The following FRMPD4 variants were observed in gnomAD, a reference collection of about 807,000 sequenced individuals.
FRMPD4 encodes the protein FERM and PDZ domain-containing protein 4.
A neutral mutation model predicts 94.1 loss-of-function variants in FRMPD4; 22 were observed. The observed-to-expected ratio is 0.23, with a 90% CI of 0.17 to 0.33. FRMPD4 has a LOEUF of 0.33. Ranked by LOEUF, FRMPD4 falls within the 10% of genes least tolerant of loss-of-function variation. The probability of loss-of-function intolerance (pLI) is 1.00; values close to 1 mark genes in which losing one functional copy is unlikely to be tolerated. For missense variants in FRMPD4, 1,111 were observed against 1,339.9 expected (o/e 0.83, Z 2.67); for synonymous variants, 631 against 548.6 (o/e 1.15, Z -2.10).
At chrX:12,055,029 C>T (rs1308219226) in intron 3 of FRMPD4, 1 of 111,927 alleles carries the variant, frequency 8.9e-6, no homozygotes, top group Non-Finnish European at 1.9e-5. Context: ...GGTGAGGAAT[C>T]TGTTAATTAG....
rs1447658842 is a variant in FRMPD4, at chrX:12,517,456, T to C, written c.158+18660T>C. Reference sequence around the variant, plus strand: ...TTTTCTTCTAACTGTCAGGCCCCTCTTCCGTAGGGTTGCCATGGTTTGCTG... The same window carrying C: ...TTTTCTTCTAACTGTCAGGCCCCTCCTCCGTAGGGTTGCCATGGTTTGCTG... On this transcript the variant is annotated intron_variant, in intron 2 of 16. Coordinates refer to ENST00000675598, the MANE Select transcript of FRMPD4 (RefSeq NM_001368397.1). Among the ~76,000 whole-genome samples, 6 of 112,606 alleles carry C rather than the reference T, an allele frequency of 5.3e-5. No individual in the cohort carries two copies. The Admixed American group carries it at 5.6e-4, about 10-fold the overall frequency.
At chrX:12,611,161 C>A (rs148350746) in intron 3 of FRMPD4, among the ~76,000 whole-genome samples, 3,115 of 112,084 alleles carry the variant, frequency 0.028, 118 homozygotes, top group African/African-American at 0.095. Context: ...GCTGCCTTTA[C>A]CTTTCCAGAA....
intron 3 of FRMPD4, among the ~76,000 whole-genome samples, chrX:12,012,211 T>C (rs2054584639): frequency 8.9e-6 from 1 of 111,878 alleles, no homozygotes; most frequent in Non-Finnish European, 1.9e-5. Context: ...GAATGCTTTT[T>C]ATTTCATTTT....
At chrX:12,537,726 C>A (rs987570845) in intron 2 of FRMPD4, among the ~76,000 whole-genome samples, 10 of 109,876 alleles carry the variant, frequency 9.1e-5, no homozygotes, top group Non-Finnish European at 1.5e-4. Context: ...CCACCCTTCA[C>A]CTCAGCCTCC....
Position 12,251,510 on chromosome X carries a change from G to A in FRMPD4, c.41+112498G>A, listed in dbSNP as rs771215857. 1.8e-3 allele frequency among the ~76,000 whole-genome samples: 197 copies of A among 111,630 alleles called. 1 individual carries two copies. Among genetic ancestry groups the A allele is most frequent in the South Asian group, 0.012 (31 of 2,601 alleles). The stretch of plus-strand genomic sequence containing the variant: ...TGCCTCGGGTCAAAGCAACTTGGAG[G>A]TGTAACTCACACTTAAGTCTCCTGT... On this transcript the variant is annotated intron_variant, in intron 1 of 16. Coordinates refer to ENST00000675598, the MANE Select transcript of FRMPD4 (RefSeq NM_001368397.1).
chrX:12,548,013 T>C (rs894123949), intron 2 of FRMPD4, among the ~76,000 whole-genome samples: 1 of 112,324 alleles, frequency 8.9e-6, no homozygotes, highest in Admixed American at 9.5e-5. Context: ...AGTATGGACT[T>C]AATATATTTT....
intron 2 of FRMPD4, among the ~76,000 whole-genome samples, chrX:12,547,539 C>T (rs1484767644): frequency 8.9e-6 from 1 of 112,497 alleles, no homozygotes. Flanking sequence ...AACACAGCTA[C>T]TCTTATTCCC....
At chrX:12,135,588 A>C (rs750375958), upstream of FRMPD4, among the ~76,000 whole-genome samples, 1 of 107,750 alleles carries the variant, frequency 9.3e-6, no homozygotes, top group Non-Finnish European at 1.9e-5. Flanking sequence ...GGTAGCTATT[A>C]TGCTGTGGAG....
intron 3 of FRMPD4, among the ~76,000 whole-genome samples, chrX:11,932,164 A>T (rs1205164326): frequency 8.9e-6 from 1 of 112,271 alleles, no homozygotes; most frequent in Non-Finnish European, 1.9e-5. Context: ...TACTTATTAC[A>T]AAGAAATATT....
chrX:12,196,412 A>T (rs995884587), intron 1 of FRMPD4, among the ~76,000 whole-genome samples: 16 of 110,918 alleles, frequency 1.4e-4, no homozygotes, highest in African/African-American at 4.9e-4. Flanking sequence ...CAGTAATCAC[A>T]TTAGGGATGA....
chrX:12,031,934 A>G (rs956541251), intron 3 of FRMPD4, among the ~76,000 whole-genome samples: 8 of 111,747 alleles, frequency 7.2e-5, no homozygotes, highest in Non-Finnish European at 1.3e-4. Flanking sequence ...AGAAAGCTTA[A>G]GAAGTGGAAT....
At chrX:12,669,139 A>G (rs1861224267) in intron 4 of FRMPD4, among the ~76,000 whole-genome samples, 1 of 111,724 alleles carries the variant, frequency 9.0e-6, no homozygotes, top group Non-Finnish European at 1.9e-5. Flanking sequence ...AGCTTTCATC[A>G]TGTCAGCAGA....
chrX:12,462,029 T>G (rs886717228), intron 1 of FRMPD4, among the ~76,000 whole-genome samples: 3 of 111,869 alleles, frequency 2.7e-5, no homozygotes, highest in East Asian at 2.8e-4. Flanking sequence ...GCCTTCACTT[T>G]AGGTATCACC....
At chrX:12,087,037 G>C (rs1160723435) in intron 3 of FRMPD4, among the ~76,000 whole-genome samples, 1 of 111,714 alleles carries the variant, frequency 9.0e-6, no homozygotes, top group Non-Finnish European at 1.9e-5. Flanking sequence ...CAAGAGGGCA[G>C]CTCACTTCCA....
At chrX:11,975,158 A>G (rs2054360591) in intron 3 of FRMPD4, among the ~76,000 whole-genome samples, 1 of 112,098 alleles carries the variant, frequency 8.9e-6, no homozygotes, top group Non-Finnish European at 1.9e-5. Context: ...AAATCATATC[A>G]CAAAGGAGGG....
chrX:11,951,707 A>G (rs1856675962), intron 3 of FRMPD4, among the ~76,000 whole-genome samples: 1 of 112,214 alleles, frequency 8.9e-6, no homozygotes, highest in African/African-American at 3.2e-5. Flanking sequence ...AAGTTTACCT[A>G]TGTAACAAAC....
At chrX:12,071,205 G>T (rs1257646753) in intron 3 of FRMPD4, among the ~76,000 whole-genome samples, 1 of 110,137 alleles carries the variant, frequency 9.1e-6, no homozygotes, top group African/African-American at 3.3e-5. Context: ...GTCATTCCTA[G>T]CTTGCCACCC....
At chrX:11,849,759 T>A in intron 1 of FRMPD4, among the ~76,000 whole-genome samples, 2 of 109,516 alleles carry the variant, frequency 1.8e-5, no homozygotes. Flanking sequence ...TTATCTTATA[T>A]CACATATAAA....
chrX:12,594,656 C>T (rs901672094), intron 2 of FRMPD4, among the ~76,000 whole-genome samples: 11 of 110,644 alleles, frequency 9.9e-5, no homozygotes, highest in Middle Eastern at 4.7e-3. Flanking sequence ...AGGATGGTCT[C>T]GATCTCCTGA....
Sources: gnomAD v4.1 joint callset for allele counts (sites outside exome capture counted in the v4.1 genomes callset) on GRCh38, gnomAD v4.1.1 for gene constraint, MANE v1.5 for transcripts, NCBI Gene and HGNC (gene_info 2026-07-23, HGNC 2026-07-21) for gene names.